Variants in GRIP1 observed in about 807,000 individuals in gnomAD.
GRIP1 encodes glutamate receptor-interacting protein 1.
GRIP1 carries 45 observed loss-of-function variants against 129.9 expected under a neutral mutation model. The ratio of observed to expected loss-of-function variants is 0.35; its 90% confidence interval spans 0.27 to 0.44. The LOEUF (loss-of-function observed/expected upper bound fraction) is 0.44, where lower values mean the gene tolerates loss of function less well. GRIP1 is among the 20% of genes least tolerant of loss of function. The probability of loss-of-function intolerance (pLI) is 1.00; values close to 1 mark genes in which losing one functional copy is unlikely to be tolerated. For missense variants in GRIP1, 1,196 were observed against 1,396.8 expected (o/e 0.86, Z 2.29); for synonymous variants, 530 against 520.8 (o/e 1.02, Z -0.24).
At chr12:66,814,283 T>C (rs1012232695) in intron 1 of GRIP1, among the ~76,000 whole-genome samples, 10 of 152,070 alleles carry the variant, frequency 6.6e-5, no homozygotes, top group Non-Finnish European at 1.3e-4. Flanking sequence ...TTGCTGTGAG[T>C]ATTAAATGAG....
chr12:67,022,245 T>C (rs1222715577), intron 1 of GRIP1, among the ~76,000 whole-genome samples: 1 of 152,162 alleles, frequency 6.6e-6, no homozygotes, highest in East Asian at 1.9e-4. Flanking sequence ...GTTTTTGCAA[T>C]TTTTTGAGGA....
chr12:66,994,556 G>C (rs1376034803), intron 1 of GRIP1, among the ~76,000 whole-genome samples: 2 of 151,688 alleles, frequency 1.3e-5, no homozygotes, highest in Non-Finnish European at 2.9e-5. Flanking sequence ...CTATATACTT[G>C]CAATAAGGAA....
chr12:66,962,672 C>T (rs1449443293), intron 1 of GRIP1, among the ~76,000 whole-genome samples: 1 of 151,944 alleles, frequency 6.6e-6, no homozygotes, highest in Admixed American at 6.6e-5. Flanking sequence ...TTTAAATATT[C>T]GAGGTCCTAA....
intron 1 of GRIP1, among the ~76,000 whole-genome samples, chr12:66,815,595 T>A (rs1013272936): frequency 6.6e-6 from 1 of 151,818 alleles, no homozygotes; most frequent in Non-Finnish European, 1.5e-5. Flanking sequence ...ACCCCATCTC[T>A]ACAAAAAATA....
chr12:66,743,650 G>A (rs2036859132), intron 1 of GRIP1, among the ~76,000 whole-genome samples: 1 of 152,040 alleles, frequency 6.6e-6, no homozygotes, highest in Non-Finnish European at 1.5e-5. Flanking sequence ...CTGTCCTGGA[G>A]TGTCTAGGAT....
At chr12:66,938,186 G>A (rs2041518747) in intron 1 of GRIP1, among the ~76,000 whole-genome samples, 1 of 152,038 alleles carries the variant, frequency 6.6e-6, no homozygotes, top group Non-Finnish European at 1.5e-5. Flanking sequence ...GACCATCCTG[G>A]CCAACATGGT....
intron 1 of GRIP1, among the ~76,000 whole-genome samples, chr12:67,056,124 A>G (rs942107800): frequency 2.6e-5 from 4 of 152,238 alleles, no homozygotes; most frequent in African/African-American, 9.6e-5. Flanking sequence ...GAGCCATACC[A>G]TGTCTATTCC....
intron 11 of GRIP1, among the ~76,000 whole-genome samples, chr12:66,452,991 TA>T (rs1212611468): frequency 2.0e-5 from 3 of 152,228 alleles, no homozygotes; most frequent in Non-Finnish European, 4.4e-5. Context: ...GACACATTTA[TA>T]AACATTCTGG....
chr12:66,761,083 T>A (rs1172748055), intron 1 of GRIP1, among the ~76,000 whole-genome samples: 1 of 152,130 alleles, frequency 6.6e-6, no homozygotes, highest in Non-Finnish European at 1.5e-5. Flanking sequence ...TTGTACATCA[T>A]GAGCACAATC....
chr12:66,802,585 G>A (rs368019448), intron 1 of GRIP1, among the ~76,000 whole-genome samples: 3 of 152,100 alleles, frequency 2.0e-5, no homozygotes, highest in African/African-American at 7.2e-5. Flanking sequence ...CTAGTAGTAT[G>A]CAGGCATTTG....
chr12:66,617,275 A>G, intron 1 of GRIP1, among the ~76,000 whole-genome samples: 1 of 134,572 alleles, frequency 7.4e-6, no homozygotes, highest in East Asian at 2.2e-4. Flanking sequence ...TTTCCTCCAC[A>G]CAGCCAACAA....
intron 4 of GRIP1, among the ~76,000 whole-genome samples, chr12:66,534,943 C>T (rs1316493091): frequency 2.6e-5 from 4 of 152,180 alleles, no homozygotes; most frequent in Non-Finnish European, 5.9e-5. Context: ...ATCCATCTGC[C>T]TTGGCCTCCC....
chr12:66,864,536 T>C (rs889352811), intron 1 of GRIP1, among the ~76,000 whole-genome samples: 2 of 147,130 alleles, frequency 1.4e-5, no homozygotes, highest in Non-Finnish European at 3.0e-5. Context: ...GGCAACACAG[T>C]GAGACCTCAT....
Position 67,066,255 on chromosome 12 carries a change from G to A in GRIP1, c.58+2795C>T, listed in dbSNP as rs141734229. Among the ~76,000 whole-genome samples the A allele has an allele frequency of 4.5e-4, 68 of 152,090 alleles. 1 individual carries two copies. Among genetic ancestry groups the A allele is most frequent in the African/African-American group, 1.6e-3 (68 of 41,488 alleles). On this transcript the variant is annotated intron_variant, in intron 1 of 1. Transcript: ENST00000643019. ...AACAACCAAGCCTCTTTTTGTATGC[G>A]GCAATAACACAAAAGCATGTTCCCT...
chr12:66,465,638 G>A (rs1385573667), intron 7 of GRIP1, among the ~76,000 whole-genome samples: 2 of 152,192 alleles, frequency 1.3e-5, no homozygotes, highest in African/African-American at 4.8e-5. Context: ...GTTAATGTAT[G>A]TGTAATGTTC....
intron 1 of GRIP1, among the ~76,000 whole-genome samples, chr12:66,738,229 T>C (rs1565996313): frequency 6.7e-6 from 1 of 149,120 alleles, no homozygotes; most frequent in East Asian, 1.9e-4. Context: ...TTTTTTTTTC[T>C]TTTTTTTTGA....
chr12:66,604,346 C>A (rs10878461), intron 1 of GRIP1, among the ~76,000 whole-genome samples: 51,258 of 152,090 alleles, frequency 0.34, 8,943 homozygotes, highest in Non-Finnish European at 0.37. Flanking sequence ...CATTCCTATT[C>A]CTAATGTGTC....
chr12:66,879,672 A>G (rs1566062549), intron 1 of GRIP1, among the ~76,000 whole-genome samples: 1 of 152,168 alleles, frequency 6.6e-6, no homozygotes, highest in Non-Finnish European at 1.5e-5. Context: ...TCAAGGCAGA[A>G]TGAATTGAAT....
rs7484506 is a variant in GRIP1 at position 66,983,315 on chromosome 12, A to C, written c.58+85735T>G. Among the ~76,000 whole-genome samples the C allele has an allele frequency of 5.6e-3, 846 of 152,274 alleles. 8 individuals are homozygous for C. The highest frequency in any genetic ancestry group is 0.019 in the African/African-American group (804 of 41,576). ...TAATAAATTAATAACAAAAACTATA[A>C]TTTTCCTACTCAGCTGTGTTGAAGT... On this transcript the variant is annotated intron_variant, in intron 1 of 1. Transcript: ENST00000643019.
Sources: allele counts gnomAD v4.1 joint callset (sites outside exome capture counted in the v4.1 genomes callset), GRCh38; gene constraint gnomAD v4.1.1; transcripts MANE v1.5; gene names NCBI Gene and HGNC (gene_info 2026-07-23, HGNC 2026-07-21).